The following PDE4D variants were observed in gnomAD, a reference collection of about 807,000 sequenced individuals.
The protein encoded by PDE4D is phosphodiesterase 4D.
A neutral mutation model predicts 87.4 loss-of-function variants in PDE4D; 24 were observed. The ratio of observed to expected loss-of-function variants is 0.27; its 90% CI spans 0.20 to 0.39. The LOEUF is 0.39. Ranked by LOEUF, PDE4D falls within the 10% of genes least tolerant of loss-of-function variation. PDE4D has a pLI of 1.00. For synonymous variants in PDE4D, 384 were observed against 383.2 expected (o/e 1.00, Z -0.02); for missense variants, 714 against 1,041.0 (o/e 0.69, Z 4.32).
chr5:59,200,100 C>T (rs1292053798), intron 2 of PDE4D, among the ~76,000 whole-genome samples: 1 of 144,202 alleles, frequency 6.9e-6, no homozygotes, highest in Non-Finnish European at 1.5e-5. Flanking sequence ...TGTAGACATA[C>T]ATGTATGCAC....
At chr5:60,333,907 C>T (rs1757520374) in intron 1 of PDE4D, among the ~76,000 whole-genome samples, 1 of 151,126 alleles carries the variant, frequency 6.6e-6, no homozygotes, top group African/African-American at 2.4e-5. Flanking sequence ...CGGAAATACA[C>T]AACGGGTCAA....
At chr5:59,408,625 C>T (rs749172978) in intron 1 of PDE4D, among the ~76,000 whole-genome samples, 5 of 152,206 alleles carry the variant, frequency 3.3e-5, no homozygotes, top group Non-Finnish European at 7.4e-5. Context: ...GCCGTAGGCA[C>T]TCAACTCCAA....
chr5:59,715,308 G>A (rs1057204797), intron 1 of PDE4D, among the ~76,000 whole-genome samples: 6 of 152,210 alleles, frequency 3.9e-5, no homozygotes, highest in Non-Finnish European at 8.8e-5. Context: ...CAGTCCTAAT[G>A]CAAGATAAGG....
chr5:59,082,512 A>T (rs1766941326), intron 5 of PDE4D, among the ~76,000 whole-genome samples: 1 of 152,154 alleles, frequency 6.6e-6, no homozygotes, highest in Non-Finnish European at 1.5e-5. Context: ...AAACATTATA[A>T]AGCATGTATC....
intron 1 of PDE4D, among the ~76,000 whole-genome samples, chr5:60,515,601 C>CTTTCTTTTT (rs1750761192): frequency 9.4e-6 from 1 of 106,822 alleles, no homozygotes; most frequent in African/African-American, 3.2e-5. Flanking sequence ...TTTTCTTTTT[C>CTTTCTTTTT]TTTTTTTTTT....
At chr5:59,168,233 A>C (rs1782194813) in intron 5 of PDE4D, among the ~76,000 whole-genome samples, 1 of 152,206 alleles carries the variant, frequency 6.6e-6, no homozygotes, top group Non-Finnish European at 1.5e-5. Context: ...TAATGGCATG[A>C]AGAGACTTCA....
chr5:59,305,237 T>C (rs561492450), intron 1 of PDE4D, among the ~76,000 whole-genome samples: 2 of 152,282 alleles, frequency 1.3e-5, no homozygotes, highest in South Asian at 4.1e-4. Context: ...TCAGTTGTAA[T>C]ATCTCCTGTT....
intron 1 of PDE4D, among the ~76,000 whole-genome samples, chr5:59,645,354 T>G (rs918157781): frequency 1.3e-5 from 2 of 152,210 alleles, no homozygotes; most frequent in African/African-American, 4.8e-5. Flanking sequence ...GAATTTTGCA[T>G]GAGTGAGACA....
At chr5:59,148,184 T>C (rs983146195) in intron 5 of PDE4D, among the ~76,000 whole-genome samples, 1 of 152,194 alleles carries the variant, frequency 6.6e-6, no homozygotes, top group Non-Finnish European at 1.5e-5. Flanking sequence ...AACTGCTGAC[T>C]TTTACTTTGT....
At chr5:59,802,435 G>C (rs1395321856) in intron 1 of PDE4D, among the ~76,000 whole-genome samples, 2 of 119,922 alleles carry the variant, frequency 1.7e-5, no homozygotes, top group Non-Finnish European at 3.3e-5. Flanking sequence ...GTCTCACTCT[G>C]TTGCCCAGGC....
chr5:59,372,887 G>C (rs981218556), intron 1 of PDE4D, among the ~76,000 whole-genome samples: 2 of 152,156 alleles, frequency 1.3e-5, no homozygotes, highest in African/African-American at 4.8e-5. Context: ...CCCAGAGTTA[G>C]TGCACACAGT....
At chr5:60,435,936 C>A (rs1273322429) in intron 1 of PDE4D, among the ~76,000 whole-genome samples, 1 of 151,952 alleles carries the variant, frequency 6.6e-6, no homozygotes, top group Non-Finnish European at 1.5e-5. Flanking sequence ...GCCTCCAGGG[C>A]TGGTTTATAG....
intron 1 of PDE4D, among the ~76,000 whole-genome samples, chr5:59,499,885 A>T (rs1807973966): frequency 7.6e-6 from 1 of 131,384 alleles, no homozygotes. Context: ...AGTATTCAAA[A>T]AAAAAAAAAA....
At chr5:59,536,504 C>CAAAAAAAAAAAAAAAA (rs10586960) in intron 1 of PDE4D, among the ~76,000 whole-genome samples, 11 of 56,374 alleles carry the variant, frequency 2.0e-4, no homozygotes, top group African/African-American at 1.0e-3. Context: ...GACTCAGCCT[C>CAAAAAAAAAAAAAAAA]AAAAAAAAAA....
In PDE4D at chr5:60,430,864, G is replaced by A. The variant is rs1181317587; in HGVS notation, c.-90+57078C>T. 7 of 242,658 alleles carry A rather than the reference G, an allele frequency of 2.9e-5. No homozygotes were observed. The East Asian group carries it at 1.1e-3, about 37-fold the overall frequency. 15.0% of individuals were successfully genotyped at this position (242,658 alleles called of 1,614,324 possible). On this transcript the variant is annotated intron_variant, in intron 1 of 16. Transcript: ENST00000502484. ...CAGAGAGCACAGGGTTGGGGGTAAG[G>A]TCACAGATCAACAGGATCCCAAGGC...
chr5:59,616,402 C>A (rs1232991957), intron 1 of PDE4D, among the ~76,000 whole-genome samples: 1 of 152,104 alleles, frequency 6.6e-6, no homozygotes, highest in Non-Finnish European at 1.5e-5. Context: ...GGTGTTTCAG[C>A]ACTTTCTATT....
At chr5:59,058,506 CT>C (rs1227449149) in intron 5 of PDE4D, among the ~76,000 whole-genome samples, 23 of 152,164 alleles carry the variant, frequency 1.5e-4, no homozygotes, top group Non-Finnish European at 3.1e-4. Flanking sequence ...AGGTCTATGC[CT>C]GTTATACCAG....
At chr5:59,702,438 C>G (rs913234778) in intron 1 of PDE4D, among the ~76,000 whole-genome samples, 3 of 152,008 alleles carry the variant, frequency 2.0e-5, no homozygotes, top group Non-Finnish European at 4.4e-5. Flanking sequence ...TTATTCCCTA[C>G]TTTTAAAATA....
intron 5 of PDE4D, among the ~76,000 whole-genome samples, chr5:59,133,619 A>C (rs1776591718): frequency 6.6e-6 from 1 of 152,222 alleles, no homozygotes; most frequent in African/African-American, 2.4e-5. Flanking sequence ...TCCCCAGGTC[A>C]GCTCTGCCCA....
Sources: gnomAD v4.1 joint callset for allele counts (sites outside exome capture counted in the v4.1 genomes callset) on GRCh38, gnomAD v4.1.1 for gene constraint, MANE v1.5 for transcripts, NCBI Gene and HGNC (gene_info 2026-07-23, HGNC 2026-07-21) for gene names.